CCDC102B: variants seen among roughly 807,000 people sequenced by gnomAD.
The protein encoded by CCDC102B is coiled-coil domain-containing protein 102B.
Under a neutral mutation model 57.4 loss-of-function variants are expected in CCDC102B, and 75 were observed. That is an observed-to-expected ratio of 1.31 (90% CI 1.08 to 1.58). The LOEUF (loss-of-function observed/expected upper bound fraction) is 1.58, where lower values mean the gene tolerates loss of function less well. Ranked by LOEUF, CCDC102B falls within the 40% of genes most tolerant of loss-of-function variation. The pLI is 0.00. For missense variants in CCDC102B, 636 were observed against 582.6 expected (o/e 1.09, Z -0.94); for synonymous variants, 206 against 201.9 (o/e 1.02, Z -0.17).
chr18:68,929,874 G>A (rs939624022), intron 6 of CCDC102B, among the ~76,000 whole-genome samples: 1 of 151,684 alleles, frequency 6.6e-6, no homozygotes, highest in Non-Finnish European at 1.5e-5. Context: ...ATTTTGTAAT[G>A]TATTTAAAAT....
intron 5 of CCDC102B, among the ~76,000 whole-genome samples, chr18:68,880,236 A>G (rs1055255038): frequency 3.9e-4 from 60 of 152,226 alleles, no homozygotes; most frequent in Non-Finnish European, 2.4e-4. Context: ...CCACTGGCCC[A>G]GGTGCTAAGC....
At chr18:68,738,801 C>T (rs537749559) in intron 2 of CCDC102B, among the ~76,000 whole-genome samples, 3 of 152,266 alleles carry the variant, frequency 2.0e-5, no homozygotes, top group South Asian at 2.1e-4. Flanking sequence ...ATGCCTCCCA[C>T]GCATCTCATC....
intron 6 of CCDC102B, among the ~76,000 whole-genome samples, chr18:68,948,844 A>G (rs1424594880): frequency 6.6e-6 from 1 of 152,136 alleles, no homozygotes; most frequent in East Asian, 1.9e-4. Flanking sequence ...GTGGTCTACA[A>G]ATAATTAACA....
Position 68,837,335 on chromosome 18 carries a change from G to C in CCDC102B, c.572G>C (p.Arg191Thr), listed in dbSNP as rs768323492. 4 of 1,609,580 alleles carry C rather than the reference G, an allele frequency of 2.5e-6. No homozygotes were observed. The highest frequency in any genetic ancestry group is 3.4e-6 in the Non-Finnish European group (4 of 1,178,188). Residue 191 changes from arginine to threonine, a missense_variant, in exon 2 of 8, where the codon AGA (arginine) becomes ACA (threonine). Transcript: ENST00000360242. Reference sequence around the variant, plus strand: ...TCTATCAGAGAGTATTTGGTAAAAAGACAATTTTCTACAAAGGAGGACACA... The same window carrying C: ...TCTATCAGAGAGTATTTGGTAAAAACACAATTTTCTACAAAGGAGGACACA... Reference protein sequence around the residue: ...HESIREYLVKRQFSTKEDTNN... With the variant: ...HESIREYLVKTQFSTKEDTNN...
At position 68,836,735 on chromosome 18, in the gene CCDC102B, C is replaced by T; in HGVS notation, c.-15-14C>T. The stretch of plus-strand genomic sequence containing the variant: ...AAATTTCAGCGTGAAATTATGGTCT[C>T]TATCTTTTCTCAGGTCTTAAAAATA... On this transcript the variant is annotated splice_polypyrimidine_tract_variant and intron_variant, in intron 1 of 7. Transcript: ENST00000360242. 3 of 1,575,434 alleles carry T rather than the reference C, an allele frequency of 1.9e-6. No homozygotes were observed. The South Asian group carries it at 3.4e-5, about 18-fold the overall frequency.
chr18:68,961,497 TATAA>T (rs1373807761), intron 6 of CCDC102B, among the ~76,000 whole-genome samples: 2 of 152,092 alleles, frequency 1.3e-5, no homozygotes, highest in Non-Finnish European at 2.9e-5. Flanking sequence ...ATAATACTTT[TATAA>T]ATATTCATAT....
intron 2 of CCDC102B, among the ~76,000 whole-genome samples, chr18:68,771,052 G>A (rs973671144): frequency 3.9e-5 from 6 of 152,204 alleles, no homozygotes; most frequent in Non-Finnish European, 8.8e-5. Flanking sequence ...AGAGTAAGGA[G>A]ACCTTTCAAC....
At chr18:68,917,659 A>C (rs1167275312) in intron 6 of CCDC102B, among the ~76,000 whole-genome samples, 1 of 152,134 alleles carries the variant, frequency 6.6e-6, no homozygotes, top group Non-Finnish European at 1.5e-5. Flanking sequence ...TAGTTTCTTT[A>C]ATTTAAAAAC....
chr18:69,007,826 G>T (rs543856284), intron 6 of CCDC102B, among the ~76,000 whole-genome samples: 3 of 152,126 alleles, frequency 2.0e-5, no homozygotes, highest in Non-Finnish European at 4.4e-5. Flanking sequence ...GCCTATGGCC[G>T]GGGTGGAATT....
At chr18:68,847,268 C>T (rs28439847) in intron 4 of CCDC102B, among the ~76,000 whole-genome samples, 3 of 151,092 alleles carry the variant, frequency 2.0e-5, no homozygotes, top group Non-Finnish European at 3.0e-5. Flanking sequence ...CTGGGTATGG[C>T]GTTCACAATA....
intron 7 of CCDC102B, among the ~76,000 whole-genome samples, chr18:69,037,429 G>A (rs1022021326): frequency 6.6e-6 from 1 of 152,042 alleles, no homozygotes; most frequent in Non-Finnish European, 1.5e-5. Flanking sequence ...GTAGAATAAA[G>A]TGTCTAATGA....
intron 5 of CCDC102B, among the ~76,000 whole-genome samples, chr18:68,878,994 G>A (rs2039565105): frequency 6.6e-6 from 1 of 152,128 alleles, no homozygotes; most frequent in African/African-American, 2.4e-5. Context: ...GTTCGGATGT[G>A]TTCGGAGTTT....
intron 2 of CCDC102B, among the ~76,000 whole-genome samples, chr18:68,750,134 C>T (rs1258197342): frequency 6.6e-6 from 1 of 152,184 alleles, no homozygotes; most frequent in Non-Finnish European, 1.5e-5. Context: ...TATGAACAGA[C>T]ACTTCTCAAA....
intron 4 of CCDC102B, among the ~76,000 whole-genome samples, chr18:68,852,907 G>T (rs1201766032): frequency 6.6e-6 from 1 of 152,090 alleles, no homozygotes; most frequent in Admixed American, 6.5e-5. Context: ...GAGTTTCAGG[G>T]CCCCTTTCTT....
rs183107552 is a variant in CCDC102B at position 68,962,599 on chromosome 18, G to C, written c.1264-48335G>C. ...TATTAAGCATTTACATTTAGGTCTT[G>C]GGTGTGGCATTGCATATGTAGTAGC... On this transcript the variant is annotated intron_variant, in intron 6 of 7. Coordinates refer to ENST00000360242, the MANE Select transcript of CCDC102B (RefSeq NM_024781.3). Among the ~76,000 whole-genome samples, 264 of 151,998 alleles carry C rather than the reference G, an allele frequency of 1.7e-3. 1 individual carries two copies. Among genetic ancestry groups the C allele is most frequent in the Admixed American group, 2.8e-3 (42 of 15,260 alleles).
intron 7 of CCDC102B, among the ~76,000 whole-genome samples, chr18:69,042,245 A>G (rs1344456839): frequency 6.6e-6 from 1 of 152,138 alleles, no homozygotes; most frequent in Non-Finnish European, 1.5e-5. Context: ...TCAGATTTAC[A>G]ATATAGGAAT....
intron 2 of CCDC102B, among the ~76,000 whole-genome samples, chr18:68,748,753 A>C (rs2033728758): frequency 6.6e-6 from 1 of 152,106 alleles, no homozygotes; most frequent in South Asian, 2.1e-4. Flanking sequence ...CTGCAATGGA[A>C]CTCTAAAGTG....
At chr18:68,870,039 GTGGCCTTA>G (rs1416088260) in intron 4 of CCDC102B, among the ~76,000 whole-genome samples, 1 of 152,120 alleles carries the variant, frequency 6.6e-6, no homozygotes, top group African/African-American at 2.4e-5. Context: ...TTGTAGATGT[GTGGCCTTA>G]TTTCTGAGGC....
At chr18:68,918,964 A>G (rs958286760) in intron 6 of CCDC102B, among the ~76,000 whole-genome samples, 2 of 152,112 alleles carry the variant, frequency 1.3e-5, no homozygotes, top group African/African-American at 2.4e-5. Context: ...TATGTATTGT[A>G]TATAAAAGGG....
Sources: allele counts gnomAD v4.1 joint callset (sites outside exome capture counted in the v4.1 genomes callset), GRCh38; gene constraint gnomAD v4.1.1; transcripts MANE v1.5; gene names NCBI Gene and HGNC (gene_info 2026-07-23, HGNC 2026-07-21).